DOCK3: variants seen among roughly 807,000 people sequenced by gnomAD.
DOCK3 encodes dedicator of cytokinesis protein 3.
DOCK3 carries 60 observed loss-of-function variants against 265.6 expected under a neutral mutation model. That is an observed-to-expected ratio of 0.23 (90% CI 0.18 to 0.28). The LOEUF is 0.28. DOCK3 is among the 10% of genes least tolerant of loss of function. The pLI is 1.00. For missense variants in DOCK3, 1,981 were observed against 2,594.3 expected, an observed-to-expected ratio of 0.76 and a Z score of 5.14; for synonymous variants, 881 against 938.0, an observed-to-expected ratio of 0.94 and a Z score of 1.11.
chr3:51,370,620 C>T (rs1552074), intron 49 of DOCK3, among the ~76,000 whole-genome samples: 133,699 of 152,322 alleles, frequency 0.88, 58,799 homozygotes, highest in East Asian at 0.94. Flanking sequence ...GCTCTTGCCA[C>T]GGGGGCAGGT....
At chr3:50,769,671 T>C (rs1293341639) in intron 1 of DOCK3, among the ~76,000 whole-genome samples, 1 of 151,072 alleles carries the variant, frequency 6.6e-6, no homozygotes, top group Admixed American at 6.6e-5. Flanking sequence ...ATTAGCCGGG[T>C]GTGTGTGGTG....
intron 4 of DOCK3, among the ~76,000 whole-genome samples, chr3:50,931,068 G>A (rs1038624999): frequency 2.6e-5 from 4 of 152,144 alleles, no homozygotes; most frequent in Admixed American, 6.5e-5. Flanking sequence ...GTAGGGCACG[G>A]GAGACTCACC....
At chr3:51,050,369 A>G (rs2080950231) in intron 5 of DOCK3, among the ~76,000 whole-genome samples, 1 of 152,194 alleles carries the variant, frequency 6.6e-6, no homozygotes, top group Non-Finnish European at 1.5e-5. Flanking sequence ...TCCAGATTAC[A>G]TAATAATATT....
At chr3:50,959,572 A>AATTT (rs949187508) in intron 5 of DOCK3, among the ~76,000 whole-genome samples, 17 of 146,460 alleles carry the variant, frequency 1.2e-4, no homozygotes, top group East Asian at 2.0e-4. Context: ...ATATATATAA[A>AATTT]ATTTATTTAT....
intron 9 of DOCK3, among the ~76,000 whole-genome samples, chr3:51,143,803 G>A (rs772547867): frequency 1.3e-5 from 2 of 152,010 alleles, no homozygotes; most frequent in Non-Finnish European, 2.9e-5. Context: ...TTTCTCACCA[G>A]TATCTTTTAA....
At chr3:50,876,411 T>G (rs1206966277) in intron 3 of DOCK3, among the ~76,000 whole-genome samples, 1 of 152,112 alleles carries the variant, frequency 6.6e-6, no homozygotes, top group Non-Finnish European at 1.5e-5. Context: ...TTTTAAGGTT[T>G]AAAATATTTA....
At chr3:50,686,316 G>C (rs1369198509) in intron 1 of DOCK3, among the ~76,000 whole-genome samples, 2 of 152,194 alleles carry the variant, frequency 1.3e-5, no homozygotes, top group African/African-American at 4.8e-5. Context: ...AGGCTTTTCA[G>C]TGCTTTTGTG....
intron 2 of DOCK3, among the ~76,000 whole-genome samples, chr3:50,827,786 C>A (rs538241688): frequency 6.6e-6 from 1 of 152,090 alleles, no homozygotes; most frequent in East Asian, 1.9e-4. Flanking sequence ...TCATCTTGGT[C>A]CTTGTTTTCT....
intron 22 of DOCK3, among the ~76,000 whole-genome samples, chr3:51,250,494 C>T (rs1304198003): frequency 6.6e-6 from 1 of 152,058 alleles, no homozygotes; most frequent in Admixed American, 6.6e-5. Flanking sequence ...TGGCATGCAC[C>T]TGTAATCCCA....
intron 12 of DOCK3, among the ~76,000 whole-genome samples, chr3:51,164,358 C>T (rs2107563520): frequency 6.6e-6 from 1 of 152,244 alleles, no homozygotes; most frequent in African/African-American, 2.4e-5. Context: ...CGCGGTGGCT[C>T]ACGCCTGTAA....
At chr3:50,881,613 A>G (rs2048027706) in intron 3 of DOCK3, among the ~76,000 whole-genome samples, 1 of 152,214 alleles carries the variant, frequency 6.6e-6, no homozygotes. Context: ...ACGAAATAAA[A>G]GAGGACACAA....
rs980529892 is a variant in DOCK3 at position 50,975,763 on chromosome 3, A to G, written c.315+41686A>G. Among the ~76,000 whole-genome samples the G allele has an allele frequency of 6.6e-5, 10 of 152,066 alleles. 1 individual carries two copies. The highest frequency in any genetic ancestry group is 1.7e-4 in the African/African-American group (7 of 41,410). ...TCTGGTAGAATTCCGCTGTGAATCCATCTGGTCCTGGACTCTTTTTGGTTG... is the reference window on the plus strand; with the variant it reads ...TCTGGTAGAATTCCGCTGTGAATCCGTCTGGTCCTGGACTCTTTTTGGTTG... On this transcript the variant is annotated intron_variant, in intron 5 of 52. Coordinates refer to ENST00000266037, the MANE Select transcript of DOCK3 (RefSeq NM_004947.5).
At position 51,041,178 on chromosome 3, in the gene DOCK3, A is replaced by G. The variant is rs868279946; in HGVS notation, c.316-23270A>G. On this transcript the variant is annotated intron_variant, in intron 5 of 52. Coordinates refer to ENST00000266037, the MANE Select transcript of DOCK3 (RefSeq NM_004947.5). Reference sequence around the variant, plus strand: ...TTACAAAATGTATATATATATATATATATATATATATATATATATATATAT... The same window carrying G: ...TTACAAAATGTATATATATATATATGTATATATATATATATATATATATAT... 4.3e-4 allele frequency among the ~76,000 whole-genome samples: 8 copies of G among 18,734 alleles called. 1 individual carries two copies. Among genetic ancestry groups the G allele is most frequent in the Non-Finnish European group, 1.6e-3 (7 of 4,392 alleles). 12.3% of individuals were successfully genotyped at this position (18,734 alleles called of 152,430 possible).
intron 35 of DOCK3, among the ~76,000 whole-genome samples, chr3:51,333,680 T>C (rs952555642): frequency 1.3e-5 from 2 of 152,162 alleles, no homozygotes; most frequent in Admixed American, 1.3e-4. Context: ...CCTGGAGGAC[T>C]TGAAGTTGGC....
Position 51,381,581 on chromosome 3 carries a change from T to C in DOCK3, c.*22T>C. ...GTGAGGGGCAACGAGGCGGCTGGGA[T>C]GCCGCCCTCAGTAAGCAGCTTGCCA... On this transcript the variant is annotated 3_prime_UTR_variant, in exon 53 of 53. Coordinates refer to ENST00000266037, the MANE Select transcript of DOCK3 (RefSeq NM_004947.5). The surrounding 1 kb of genome is among the most constrained non-coding windows in gnomAD (Gnocchi z 5.6). The C allele has an allele frequency of 1.4e-6, 2 of 1,478,102 alleles. No homozygotes were observed. Among genetic ancestry groups the C allele is most frequent in the South Asian group, 2.8e-5 (2 of 71,414 alleles). The allele number at this position is 1,478,102 out of a possible 1,614,324, so 91.6% of individuals were successfully genotyped here.
At chr3:50,688,428 C>T (rs917642553) in intron 1 of DOCK3, among the ~76,000 whole-genome samples, 1 of 151,888 alleles carries the variant, frequency 6.6e-6, no homozygotes, top group African/African-American at 2.4e-5. Context: ...TGCAATGAAC[C>T]CGTAATTTAA....
At chr3:51,351,819 G>T (rs2086007312) in intron 40 of DOCK3, among the ~76,000 whole-genome samples, 1 of 152,218 alleles carries the variant, frequency 6.6e-6, no homozygotes, top group South Asian at 2.1e-4. Context: ...ACCATGCCTG[G>T]CTAATTTTGT....
intron 3 of DOCK3, among the ~76,000 whole-genome samples, chr3:50,883,321 G>C (rs1553692782): frequency 6.6e-6 from 1 of 151,896 alleles, no homozygotes; most frequent in Non-Finnish European, 1.5e-5. Context: ...CACGCACAAG[G>C]AGAAGTTTTT....
intron 3 of DOCK3, among the ~76,000 whole-genome samples, chr3:50,884,882 T>C (rs1381071885): frequency 2.6e-5 from 4 of 152,132 alleles, no homozygotes; most frequent in Non-Finnish European, 5.9e-5. Context: ...TGAACCAGTA[T>C]TGATACACTA....
Sources: gnomAD v4.1 joint callset for allele counts (sites outside exome capture counted in the v4.1 genomes callset) on GRCh38, gnomAD v4.1.1 for gene constraint, Gnocchi (gnomAD v3.1) non-coding constraint, MANE v1.5 for transcripts, NCBI Gene and HGNC (gene_info 2026-07-23, HGNC 2026-07-21) for gene names.